The following TMEM255B variants were observed in gnomAD, a reference collection of about 807,000 sequenced individuals.
TMEM255B encodes the protein transmembrane protein 255B.
A neutral mutation model predicts 34.5 loss-of-function variants in TMEM255B; 35 were observed. The observed-to-expected ratio is 1.01, with a 90% confidence interval of 0.77 to 1.34. The LOEUF is 1.34. TMEM255B is among the 40% of genes most tolerant of loss of function. TMEM255B has a pLI of 0.00. For synonymous variants in TMEM255B, 206 were observed against 201.2 expected (o/e 1.02, Z -0.20); for missense variants, 432 against 433.2 (o/e 1.00, Z 0.02).
intron 8 of TMEM255B, among the ~76,000 whole-genome samples, chr13:113,807,044 C>T (rs1168296603): frequency 6.6e-6 from 1 of 152,218 alleles, no homozygotes; most frequent in Non-Finnish European, 1.5e-5. Context: ...TCCATCAGCC[C>T]CTTCCTCTTC....
chr13:113,759,289 G>T lies in TMEM255B; in HGVS notation c.20G>T (p.Gly7Val), dbSNP rs561129253. The change falls in exon 1 of 9, where the codon GGG (glycine) becomes GTG (valine). Residue 7 changes from glycine (G) to valine (V), a missense_variant. Coordinates refer to ENST00000375353, the MANE Select transcript of TMEM255B (RefSeq NM_182614.4). Reference protein sequence around the residue: MQPPVPGPLGLLDPAEG... With the variant: MQPPVPVPLGLLDPAEG... ...CTCGGGATGCAGCCGCCGGTGCCCG[G>T]GCCCCTGGGCCTGCTGGACCCCGCA... The T allele has an allele frequency of 9.8e-6, 12 of 1,229,156 alleles. No homozygotes were observed. The Admixed American group carries it at 1.7e-4, about 17-fold the overall frequency. 76.1% of individuals were successfully genotyped at this position (1,229,156 alleles called of 1,614,324 possible).
rs1187529683 is a variant in TMEM255B, at chr13:113,759,235, G to A, written c.-35G>A. The A allele has an allele frequency of 8.2e-6, 10 of 1,226,862 alleles. No individual in the cohort carries two copies. Among genetic ancestry groups the A allele is most frequent in the Non-Finnish European group, 1.0e-5 (10 of 984,844 alleles). 76.0% of individuals were successfully genotyped at this position (1,226,862 alleles called of 1,614,324 possible). On this transcript the variant is annotated 5_prime_UTR_variant, in exon 1 of 9. Transcript: ENST00000375353. ...GGCGGCTCCTGGCGGCGGGACTGTG[G>A]CTGTGGCCCCGGGAGAGCCGGGTGG...
At chr13:113,785,754 C>G (rs1170249909) in intron 3 of TMEM255B, among the ~76,000 whole-genome samples, 1 of 152,150 alleles carries the variant, frequency 6.6e-6, no homozygotes, top group Non-Finnish European at 1.5e-5. Flanking sequence ...CGTCCCCAGG[C>G]CTCCCTGTCC....
At chr13:113,798,768 T>C (rs1423919464) in intron 4 of TMEM255B, among the ~76,000 whole-genome samples, 1 of 151,680 alleles carries the variant, frequency 6.6e-6, no homozygotes, top group African/African-American at 2.4e-5. Flanking sequence ...TGGATGGATG[T>C]GGATGAATGG....
intron 6 of TMEM255B, 52 bp downstream of exon 6, chr13:113,800,964 C>T: frequency 1.7e-6 from 2 of 1,170,118 alleles, no homozygotes; most frequent in Non-Finnish European, 2.3e-6. Context: ...GTGAGGGGCG[C>T]TGGGGACCCC....
chr13:113,762,931 TTGTC>T (rs1343021047), intron 1 of TMEM255B, among the ~76,000 whole-genome samples: 2 of 152,238 alleles, frequency 1.3e-5, no homozygotes, highest in African/African-American at 4.8e-5. Flanking sequence ...AGGACAGCGT[TTGTC>T]TGATAATTTT....
rs1196615580 is a variant in TMEM255B at position 113,769,880 on chromosome 13, A to G, written c.252+720A>G. On this transcript the variant is annotated intron_variant, in intron 3 of 8. Transcript: ENST00000375353. This position sits in a 1 kb window ranked among gnomAD's most constrained non-coding sequence, Gnocchi z 4.2. ...TTGGGCCATTTCTGCCTCATCTCCC[A>G]GTTGTTGCTTCAGAGCAGGCTGGAG... is the stretch of plus-strand genomic sequence containing the variant. 6.6e-6 allele frequency: 1 copy of G among 152,388 alleles called. No individual in the cohort carries two copies. The highest frequency in any genetic ancestry group is 1.5e-5 in the Non-Finnish European group (1 of 68,236). The allele number at this position is 152,388 out of a possible 1,614,324, so 9.4% of individuals were successfully genotyped here. A position where few individuals can be genotyped will look rare whatever the true frequency, so the allele number is the denominator to read the frequency against.
intron 3 of TMEM255B, among the ~76,000 whole-genome samples, chr13:113,774,340 T>C (rs993757833): frequency 6.6e-6 from 1 of 152,182 alleles, no homozygotes; most frequent in Non-Finnish European, 1.5e-5. Flanking sequence ...GCTGAATGAG[T>C]TACTGTTTCC....
rs777539360 is a variant in TMEM255B, at chr13:113,810,421, G to A, written c.814-1315G>A. On this transcript the variant is annotated intron_variant, in intron 8 of 8. Transcript: ENST00000375353. ...AATGTATCAATTTAAAATCTGTGCC[G>A]TTCTTCGCTTTTCTGGTCTCAGAAT... Among the ~76,000 whole-genome samples, 9 of 152,338 alleles carry A rather than the reference G, an allele frequency of 5.9e-5. No homozygotes were observed. The East Asian group carries it at 9.6e-4, about 16-fold the overall frequency.
intron 4 of TMEM255B, among the ~76,000 whole-genome samples, chr13:113,797,273 A>G (rs9577894): frequency 0.52 from 79,466 of 152,224 alleles, 21,544 homozygotes; most frequent in East Asian, 0.86. Flanking sequence ...ATGCGCAGAC[A>G]GCACTCACTG....
At position 113,811,980 on chromosome 13, in the gene TMEM255B, T is replaced by C. The variant is rs1456944857; in HGVS notation, c.*77T>C. 1.3e-6 allele frequency: 2 copies of C among 1,484,852 alleles called. No homozygotes were observed. The highest frequency in any genetic ancestry group is 2.3e-5 in the East Asian group (1 of 43,930). The allele number at this position is 1,484,852 out of a possible 1,614,324, so 92.0% of individuals were successfully genotyped here. On this transcript the variant is annotated 3_prime_UTR_variant, in exon 9 of 9. Transcript: ENST00000375353. The stretch of plus-strand genomic sequence containing the variant: ...GCAGCCTCTAGAAATCCCGCTTCTG[T>C]GGCCAACCTCCTAGAGAACCCGGGA...
At position 113,808,792 on chromosome 13, in the gene TMEM255B, T is replaced by TTGG. The variant is rs1555302320; in HGVS notation, c.814-2944_814-2943insTGG. On this transcript the variant is annotated intron_variant, in intron 8 of 8. Coordinates refer to ENST00000375353, the MANE Select transcript of TMEM255B (RefSeq NM_182614.4). ...TCTGGCGGTGTAACTCTGTGGTTCC[T>TTGG]GGGGGGGGGGTTACTCCATGTTTCC... 9.4e-4 allele frequency among the ~76,000 whole-genome samples: 36 copies of TTGG among 38,498 alleles called. 2 individuals carry two copies. In the South Asian group the frequency reaches 0.057, roughly 61 times the overall value. 25.3% of individuals were successfully genotyped at this position (38,498 alleles called of 152,430 possible). A position where few individuals can be genotyped will look rare whatever the true frequency, so the allele number is the denominator to read the frequency against.
chr13:113,793,254 G>A (rs751978140), intron 3 of TMEM255B, among the ~76,000 whole-genome samples: 10 of 152,178 alleles, frequency 6.6e-5, no homozygotes, highest in Non-Finnish European at 1.2e-4. Flanking sequence ...CAGGGGTGTC[G>A]GCCAGCTTCC....
intron 3 of TMEM255B, among the ~76,000 whole-genome samples, chr13:113,792,972 C>A (rs994202219): frequency 3.3e-5 from 5 of 152,230 alleles, no homozygotes; most frequent in African/African-American, 4.8e-5. Context: ...CTGGAGCGTC[C>A]GTGACACTCA....
intron 5 of TMEM255B, chr13:113,800,040 C>G (rs2051014257): frequency 4.1e-6 from 5 of 1,210,984 alleles, no homozygotes; most frequent in Non-Finnish European, 5.3e-6. Flanking sequence ...GTCTGGGACT[C>G]TCCAGCAGCT....
intron 8 of TMEM255B, among the ~76,000 whole-genome samples, chr13:113,810,437 G>T (rs1473317111): frequency 1.3e-5 from 2 of 152,192 alleles, no homozygotes; most frequent in Non-Finnish European, 2.9e-5. Flanking sequence ...CGCTTTTCTG[G>T]TCTCAGAATT....
chr13:113,783,391 A>C (rs2050694331), intron 3 of TMEM255B, among the ~76,000 whole-genome samples: 1 of 152,146 alleles, frequency 6.6e-6, no homozygotes, highest in South Asian at 2.1e-4. Flanking sequence ...TATGGAGTTT[A>C]TCTGCGTCGG....
intron 3 of TMEM255B, among the ~76,000 whole-genome samples, chr13:113,774,623 C>CACATATACCACACAATACACACA (rs2050533210): frequency 6.8e-6 from 1 of 147,334 alleles, no homozygotes; most frequent in Non-Finnish European, 1.5e-5. Context: ...CAATACACAC[C>CACATATACCACACAATACACACA]ACATATACCA....
intron 3 of TMEM255B, among the ~76,000 whole-genome samples, chr13:113,792,192 C>G (rs2138558922): frequency 6.6e-6 from 1 of 152,342 alleles, no homozygotes; most frequent in East Asian, 1.9e-4. Flanking sequence ...GTATTTATAC[C>G]TAACTGAATG....
Sources: gnomAD v4.1 joint callset for allele counts (sites outside exome capture counted in the v4.1 genomes callset) on GRCh38, gnomAD v4.1.1 for gene constraint, Gnocchi (gnomAD v3.1) non-coding constraint, MANE v1.5 for transcripts, NCBI Gene and HGNC (gene_info 2026-07-23, HGNC 2026-07-21) for gene names.